Variants in RTN4 observed in about 807,000 individuals in gnomAD.
RTN4 encodes the protein reticulon 4, also known as reticulon-4.
A neutral mutation model predicts 90.4 loss-of-function variants in RTN4; 32 were observed. That is an observed-to-expected ratio of 0.35 (90% CI 0.27 to 0.48). The LOEUF (loss-of-function observed/expected upper bound fraction) is 0.48, where lower values mean the gene tolerates loss of function less well. Among genes scored for constraint, RTN4 ranks in the 20% least tolerant of loss-of-function variants. The probability of loss-of-function intolerance (pLI) is 0.99; values close to 1 mark genes in which losing one functional copy is unlikely to be tolerated. For missense variants in RTN4, 1,706 were observed against 1,430.2 expected (o/e 1.19, Z -3.11); for synonymous variants, 629 against 552.5 (o/e 1.14, Z -1.94).
upstream of RTN4, among the ~76,000 whole-genome samples, chr2:55,055,351 T>C (rs1461025025): frequency 6.6e-6 from 1 of 152,086 alleles, no homozygotes; most frequent in Non-Finnish European, 1.5e-5. Flanking sequence ...CATTCTAATA[T>C]ATAACTTATT....
At chr2:55,054,622 G>C (rs752147055), upstream of RTN4, among the ~76,000 whole-genome samples, 1 of 152,156 alleles carries the variant, frequency 6.6e-6, no homozygotes, top group East Asian at 1.9e-4. Context: ...ACATATAGCA[G>C]GACGTGAACA....
chr2:54,976,795 C>G (rs2588521), intron 5 of RTN4, among the ~76,000 whole-genome samples: 52,199 of 152,002 alleles, frequency 0.34, 10,228 homozygotes, highest in East Asian at 0.64. Context: ...AGCAAACAGG[C>G]TGCTCTCATT....
At position 55,027,303 on chromosome 2, in the gene RTN4, GA is replaced by G. The variant is rs1558825122; in HGVS notation, c.795del (p.Gln266LysfsTer20). ...TTAGAAGCTTCACTGACATTTTCTT[GA>G]AGTGTTCCTTCAGTGGGTAATACTG... ...LSTVLPTEGT[L>X]QENVSEASKE... is the part of the protein sequence containing the mutation. On this transcript the variant is annotated frameshift_variant, in exon 3 of 9. Transcript: ENST00000337526. LOFTEE classifies it high-confidence loss of function. 1 of 1,613,648 alleles carries G rather than the reference GA, an allele frequency of 6.2e-7. No homozygotes were observed. The highest frequency in any genetic ancestry group is 1.3e-5 in the African/African-American group (1 of 74,974).
chr2:55,081,322 C>T (rs1179983900), intron 1 of RTN4, among the ~76,000 whole-genome samples: 2 of 152,102 alleles, frequency 1.3e-5, no homozygotes, highest in Non-Finnish European at 2.9e-5. Context: ...AGTGATCCTC[C>T]TTCGTCAGAC....
chr2:54,975,542 C>A (rs1315332772), intron 5 of RTN4, among the ~76,000 whole-genome samples: 2 of 152,102 alleles, frequency 1.3e-5, no homozygotes, highest in Non-Finnish European at 2.9e-5. Context: ...TTTTATGGGC[C>A]ACATAGGGTT....
At chr2:55,131,660 T>TA in the RTN4 span, among the ~76,000 whole-genome samples, 2 of 152,158 alleles carry the variant, frequency 1.3e-5, no homozygotes, top group Admixed American at 1.3e-4. Context: ...GAGGTGGGTG[T>TA]ATCACCTGAA....
intron 6 of RTN4, 36 bp from the exon 7 acceptor site, chr2:54,973,903 G>A (rs373628522): frequency 5.1e-6 from 8 of 1,561,606 alleles, no homozygotes; most frequent in South Asian, 4.5e-5. Flanking sequence ...CAAAAAGAAC[G>A]GAATGATTTG....
At chr2:54,974,586 T>G in intron 6 of RTN4, 109 bp downstream of exon 6, 1 of 989,302 alleles carries the variant, frequency 1.0e-6, no homozygotes, top group Non-Finnish European at 1.6e-6. Context: ...CGGCCCACAT[T>G]TTCATCCCCT....
intron 4 of RTN4, among the ~76,000 whole-genome samples, chr2:54,985,158 T>C (rs1678455425): frequency 7.3e-6 from 1 of 136,388 alleles, no homozygotes; most frequent in East Asian, 2.2e-4. Context: ...TCGGCCTTTT[T>C]TTTTTTTTTT....
chr2:55,047,190 C>T (rs1408421841), intron 1 of RTN4, among the ~76,000 whole-genome samples: 12 of 151,942 alleles, frequency 7.9e-5, no homozygotes, highest in African/African-American at 2.2e-4. Context: ...ATTAGCCAGG[C>T]GTGGTGGCAG....
intron 2 of RTN4, among the ~76,000 whole-genome samples, chr2:55,065,951 C>T (rs976848339): frequency 6.6e-6 from 1 of 152,000 alleles, no homozygotes; most frequent in Non-Finnish European, 1.5e-5. Flanking sequence ...CATGTATATA[C>T]GCATATGGAA....
At chr2:54,977,406 G>GTT (rs34777052) in intron 5 of RTN4, among the ~76,000 whole-genome samples, 9,621 of 145,982 alleles carry the variant, frequency 0.066, 529 homozygotes, top group African/African-American at 0.14. Flanking sequence ...AGCTCAGGCC[G>GTT]TTTTTTTTTT....
chr2:55,105,087 G>A (rs937015732), intron 1 of RTN4, among the ~76,000 whole-genome samples: 6 of 151,984 alleles, frequency 3.9e-5, no homozygotes, highest in South Asian at 2.1e-4. Flanking sequence ...GATTATAGGC[G>A]TGAGCCACCT....
intron 4 of RTN4, among the ~76,000 whole-genome samples, chr2:54,985,257 T>G (rs1428482145): frequency 2.1e-5 from 3 of 145,096 alleles, no homozygotes; most frequent in Non-Finnish European, 4.5e-5. Flanking sequence ...ACTCCTGGGT[T>G]CTAGCAATTT....
chr2:55,099,082 A>G (rs1277554015), intron 1 of RTN4, among the ~76,000 whole-genome samples: 1 of 152,134 alleles, frequency 6.6e-6, no homozygotes, highest in African/African-American at 2.4e-5. Flanking sequence ...GAGGCCATAG[A>G]AAGGGGACTC....
rs113377883 is a variant in RTN4 at position 54,993,384 on chromosome 2, T to C, written c.3014-5686A>G. Reference sequence around the variant, plus strand: ...CCCTGTCTGTTAGGTTAATAAATATTTGGATCCAGCCAACAGTTAAAATTC... The same window carrying C: ...CCCTGTCTGTTAGGTTAATAAATATCTGGATCCAGCCAACAGTTAAAATTC... On this transcript the variant is annotated intron_variant, in intron 3 of 8. Coordinates refer to ENST00000337526, the MANE Select transcript of RTN4 (RefSeq NM_020532.5). 1.6e-4 allele frequency among the ~76,000 whole-genome samples: 24 copies of C among 152,324 alleles called. 1 individual carries two copies. Among genetic ancestry groups the C allele is most frequent in the African/African-American group, 5.1e-4 (21 of 41,568 alleles).
chr2:55,034,854 C>G (rs1351063418), intron 1 of RTN4, among the ~76,000 whole-genome samples: 1 of 151,866 alleles, frequency 6.6e-6, no homozygotes, highest in East Asian at 1.9e-4. Context: ...AATAAAAGCA[C>G]AAAGGATGAA....
intron 2 of RTN4, among the ~76,000 whole-genome samples, chr2:55,060,944 C>A (rs1298728440): frequency 6.6e-6 from 1 of 152,068 alleles, no homozygotes; most frequent in African/African-American, 2.4e-5. Flanking sequence ...TTCTTGTTGG[C>A]CCCTAGTATC....
intron 5 of RTN4, among the ~76,000 whole-genome samples, chr2:54,977,406 G>GTTTTTTTT (rs34777052): frequency 6.8e-6 from 1 of 146,112 alleles, no homozygotes; most frequent in Non-Finnish European, 1.5e-5. Flanking sequence ...AGCTCAGGCC[G>GTTTTTTTT]TTTTTTTTTT....
Sources: gnomAD v4.1 joint callset for allele counts (sites outside exome capture counted in the v4.1 genomes callset) on GRCh38, gnomAD v4.1.1 for gene constraint, MANE v1.5 for transcripts, NCBI Gene and HGNC (gene_info 2026-07-23, HGNC 2026-07-21) for gene names.